Variants in CBLL1 observed in about 807,000 individuals in gnomAD.
CBLL1 encodes E3 ubiquitin-protein ligase Hakai.
CBLL1 carries 4 observed loss-of-function variants against 44.9 expected under a neutral mutation model. The ratio of observed to expected loss-of-function variants is 0.09; its 90% CI spans 0.04 to 0.20. The LOEUF (loss-of-function observed/expected upper bound fraction) is 0.20, where lower values mean the gene tolerates loss of function less well. CBLL1 is among the 10% of genes least tolerant of loss of function. The probability of loss-of-function intolerance (pLI) is 1.00; values close to 1 mark genes in which losing one functional copy is unlikely to be tolerated. For synonymous variants in CBLL1, 235 were observed against 202.2 expected (o/e 1.16, Z -1.38); for missense variants, 569 against 636.7 (o/e 0.89, Z 1.14).
chr7:107,749,796 G>T (rs1793194620), intron 2 of CBLL1, among the ~76,000 whole-genome samples: 1 of 151,722 alleles, frequency 6.6e-6, no homozygotes, highest in South Asian at 2.1e-4. Context: ...TTTTTGTTTT[G>T]ATGTAAATTT....
intron 2 of CBLL1, among the ~76,000 whole-genome samples, chr7:107,752,021 A>G (rs1021433731): frequency 5.3e-5 from 8 of 152,082 alleles, no homozygotes; most frequent in Middle Eastern, 3.4e-3. Context: ...AACACAGTGA[A>G]ACCTCGTCTC....
At chr7:107,752,812 CTGT>C (rs1189901109) in intron 2 of CBLL1, among the ~76,000 whole-genome samples, 3 of 152,058 alleles carry the variant, frequency 2.0e-5, no homozygotes, top group Non-Finnish European at 4.4e-5. Flanking sequence ...GATATGGCTC[CTGT>C]TGTTTGGGTA....
intron 1 of CBLL1, among the ~76,000 whole-genome samples, chr7:107,745,040 A>T (rs1792941331): frequency 6.6e-6 from 1 of 152,088 alleles, no homozygotes; most frequent in Non-Finnish European, 1.5e-5. Context: ...TTAGGTGTGT[A>T]TGTTTATTTA....
At position 107,752,594 on chromosome 7, in the gene CBLL1, T is replaced by G. The variant is rs750082043; in HGVS notation, c.182-817T>G. 20 of 1,289,006 alleles carry G rather than the reference T, an allele frequency of 1.6e-5. No homozygotes were observed. The South Asian group carries it at 2.5e-4, about 16-fold the overall frequency. The allele number at this position is 1,289,006 out of a possible 1,614,324, so 79.8% of individuals were successfully genotyped here. A position where few individuals can be genotyped will look rare whatever the true frequency, so the allele number is the denominator to read the frequency against. On this transcript the variant is annotated intron_variant, in intron 2 of 5. Coordinates refer to ENST00000440859, the MANE Select transcript of CBLL1 (RefSeq NM_024814.4). Reference sequence around the variant, plus strand: ...AAGCCTGGCTCCTTGGAGGGATATATTTGTCTGCTCAGCTTTACTTTAGGT... The same window carrying G: ...AAGCCTGGCTCCTTGGAGGGATATAGTTGTCTGCTCAGCTTTACTTTAGGT...
Position 107,744,465 on chromosome 7 carries a change from C to A in CBLL1, c.13+289C>A, listed in dbSNP as rs561741949. 1.2e-5 allele frequency: 5 copies of A among 411,150 alleles called. No homozygotes were observed. The East Asian group carries it at 1.8e-4, about 15-fold the overall frequency. 25.5% of individuals were successfully genotyped at this position (411,150 alleles called of 1,614,324 possible). ...GATGTAGGCCTTCGGGAAGGGAGAGCCCCGGCTCTGTTTTATTTAGCCCAG... is the reference window on the plus strand; with the variant it reads ...GATGTAGGCCTTCGGGAAGGGAGAGACCCGGCTCTGTTTTATTTAGCCCAG... On this transcript the variant is annotated intron_variant, in intron 1 of 5. Transcript: ENST00000440859.
chr7:107,744,361 T>C, intron 1 of CBLL1, 185 bp downstream of exon 1: 1 of 690,830 alleles, frequency 1.4e-6, no homozygotes, highest in Non-Finnish European at 2.2e-6. Flanking sequence ...TACCGTCTGG[T>C]GTGGTACCTA....
At chr7:107,745,851 A>T (rs111871813) in intron 1 of CBLL1, among the ~76,000 whole-genome samples, 4 of 152,180 alleles carry the variant, frequency 2.6e-5, no homozygotes, top group African/African-American at 7.2e-5. Flanking sequence ...TGTAGAGGTG[A>T]GACGGGAATT....
At position 107,753,493 on chromosome 7, in the gene CBLL1, C is replaced by T. The variant is rs762644254; in HGVS notation, c.264C>T (p.His88=). 5.1e-6 allele frequency: 8 copies of T among 1,577,614 alleles called. No homozygotes were observed. The highest frequency in any genetic ancestry group is 6.0e-6 in the Non-Finnish European group (7 of 1,164,412). ...LFANQRRFPG[H]LFWDFQINIL... ...CAAATCAGCGAAGATTTCCTGGACACCTTTTTTGGGACTTTCAGGTATAAT... is the reference window on the plus strand; with the variant it reads ...CAAATCAGCGAAGATTTCCTGGACATCTTTTTTGGGACTTTCAGGTATAAT... The change falls in exon 3 of 6, where the codon CAC becomes CAT. Residue 88 remains histidine, a synonymous_variant. Coordinates refer to ENST00000440859, the MANE Select transcript of CBLL1 (RefSeq NM_024814.4).
At chr7:107,755,683 CAA>C (rs1254611918) in intron 5 of CBLL1, 192 bp downstream of exon 5, 1 of 341,292 alleles carries the variant, frequency 2.9e-6, no homozygotes, top group Admixed American at 4.8e-5. Flanking sequence ...CACTATCAGT[CAA>C]CTCAAATTGG....
intron 4 of CBLL1, among the ~76,000 whole-genome samples, chr7:107,754,511 C>T (rs1268073296): frequency 3.3e-5 from 5 of 151,354 alleles, no homozygotes; most frequent in Admixed American, 3.3e-4. Flanking sequence ...TTGCATTTGC[C>T]TTTAGAAAAA....
Position 107,759,349 on chromosome 7 carries a change from A to G in CBLL1, c.*171A>G, listed in dbSNP as rs1043434095. 1.6e-6 allele frequency: 1 copy of G among 611,144 alleles called. No homozygotes were observed. Among genetic ancestry groups the G allele is most frequent in the Non-Finnish European group, 2.8e-6 (1 of 353,618 alleles). The allele number at this position is 611,144 out of a possible 1,614,324, so 37.9% of individuals were successfully genotyped here. On this transcript the variant is annotated 3_prime_UTR_variant, in exon 6 of 6. Coordinates refer to ENST00000440859, the MANE Select transcript of CBLL1 (RefSeq NM_024814.4). ...AATCTTGACCTTAAGATTGATTTCAAGTACCATACTGTAGTACAGATAAGT... is the reference window on the plus strand; with the variant it reads ...AATCTTGACCTTAAGATTGATTTCAGGTACCATACTGTAGTACAGATAAGT...
In CBLL1 at chr7:107,761,060, G is replaced by C. The variant is rs1018289785; in HGVS notation, c.*1882G>C. 1 of 152,142 alleles carries C rather than the reference G, an allele frequency of 6.6e-6. No individual in the cohort carries two copies. The highest frequency in any genetic ancestry group is 2.4e-5 in the African/African-American group (1 of 41,420). The allele number at this position is 152,142 out of a possible 1,614,324, so 9.4% of individuals were successfully genotyped here. ...TTCTATCATATTACTGTAGGTACTT[G>C]GACTGGTGCAAACTTGATTCCTTTT... On this transcript the variant is annotated 3_prime_UTR_variant, in exon 6 of 6. Transcript: ENST00000440859.
chr7:107,744,338 C>A, intron 1 of CBLL1, 162 bp downstream of exon 1: 8 of 887,312 alleles, frequency 9.0e-6, no homozygotes, highest in Non-Finnish European at 1.3e-5. Flanking sequence ...CAGGGGCCTG[C>A]GGTTTCCTGG....
chr7:107,755,673 C>T, intron 5 of CBLL1, 182 bp downstream of exon 5: 1 of 349,126 alleles, frequency 2.9e-6, no homozygotes, highest in Non-Finnish European at 5.3e-6. Flanking sequence ...GCAAGGTAGC[C>T]ACTATCAGTC....
In CBLL1 at chr7:107,759,179, T is replaced by A. The variant is rs138385214; in HGVS notation, c.*1T>A. ...AAGATATAGACCGTATTACCAATGA[T>A]AATAGTATTTTGAATGGAAGATATG... On this transcript the variant is annotated 3_prime_UTR_variant, in exon 6 of 6. Transcript: ENST00000440859. 2.1e-3 allele frequency: 3,339 copies of A among 1,580,432 alleles called. 8 individuals carry two copies. The highest frequency in any genetic ancestry group is 2.5e-3 in the Non-Finnish European group (2,883 of 1,162,436).
intron 2 of CBLL1, among the ~76,000 whole-genome samples, chr7:107,750,067 C>T (rs562356161): frequency 1.3e-5 from 2 of 151,948 alleles, no homozygotes; most frequent in South Asian, 2.1e-4. Context: ...ACCTCAGTCT[C>T]CTGAGGAGCT....
At chr7:107,756,949 AAG>A (rs928580836) in intron 5 of CBLL1, among the ~76,000 whole-genome samples, 1 of 152,180 alleles carries the variant, frequency 6.6e-6, no homozygotes, top group African/African-American at 2.4e-5. Flanking sequence ...ACCCAAGAGA[AAG>A]TGCTTCACAT....
chr7:107,756,990 T>A (rs988095420), intron 5 of CBLL1, among the ~76,000 whole-genome samples: 6 of 152,146 alleles, frequency 3.9e-5, no homozygotes, highest in Admixed American at 3.3e-4. Context: ...GTTCGGAGTT[T>A]ACAGTGAACT....
chr7:107,758,756 A>G lies in CBLL1; in HGVS notation c.1054A>G (p.Ser352Gly). ...APPPPPPPPI[S>G]HPMPHPPQAA... ...ACCCCCACCTCCTCCACCACCAATA[A>G]GCCATCCAATGCCACATCCTCCCCA... The change falls in exon 6 of 6, where the codon AGC becomes GGC. Residue 352 changes from serine to glycine, a missense_variant. Physicochemically the swap from Ser to Gly is moderately conservative, Grantham distance 56. Transcript: ENST00000440859. The surrounding 1 kb of genome is among the most constrained non-coding windows in gnomAD (Gnocchi z 4.2). 2.5e-6 allele frequency: 4 copies of G among 1,613,202 alleles called. No individual in the cohort carries two copies. Among genetic ancestry groups the G allele is most frequent in the Non-Finnish European group, 3.4e-6 (4 of 1,179,746 alleles).
Sources: gnomAD v4.1 joint callset for allele counts (sites outside exome capture counted in the v4.1 genomes callset) on GRCh38, gnomAD v4.1.1 for gene constraint, Gnocchi (gnomAD v3.1) non-coding constraint, MANE v1.5 for transcripts, NCBI Gene and HGNC (gene_info 2026-07-23, HGNC 2026-07-21) for gene names.